ITGB4: variants seen among roughly 807,000 people sequenced by gnomAD.
ITGB4 encodes the protein integrin beta-4.
In ITGB4, 159 loss-of-function variants were observed where a neutral mutation model predicts 207.6. The ratio of observed to expected loss-of-function variants is 0.77; its 90% confidence interval spans 0.67 to 0.87. The LOEUF is 0.87. ITGB4 is among the 40% of genes least tolerant of loss of function. The probability of loss-of-function intolerance (pLI) is 0.00; values close to 1 mark genes in which losing one functional copy is unlikely to be tolerated. For missense variants in ITGB4, 2,278 were observed against 2,546.8 expected (o/e 0.89, Z 2.27); for synonymous variants, 1,020 against 1,062.7 (o/e 0.96, Z 0.78).
At chr17:75,737,793 G>C (rs928865629) in intron 18 of ITGB4, 149 bp downstream of exon 18, 3 of 722,018 alleles carry the variant, frequency 4.2e-6, no homozygotes, top group African/African-American at 1.8e-5. Context: ...CCTCCCCAGG[G>C]TCCCCATCCC....
At position 75,732,302 on chromosome 17, in the gene ITGB4, C is replaced by T. The variant is rs952103578; in HGVS notation, c.1454+63C>T. On this transcript the variant is annotated intron_variant, in intron 12 of 39. Coordinates refer to ENST00000200181, the MANE Select transcript of ITGB4 (RefSeq NM_000213.5). This position sits in a 1 kb window ranked among gnomAD's most constrained non-coding sequence, Gnocchi z 5.3. ...TGGCCCCTGATGGGAAAGCTGGGCT[C>T]CTGCAGGGGCCTGGCCCTGGGTGCA... 1.6e-5 allele frequency: 24 copies of T among 1,502,910 alleles called. No homozygotes were observed. The highest frequency in any genetic ancestry group is 2.3e-5 in the East Asian group (1 of 44,328). 93.1% of individuals were successfully genotyped at this position (1,502,910 alleles called of 1,614,324 possible).
At chr17:75,733,713 C>T (rs751582166) in intron 13 of ITGB4, 21 bp downstream of exon 13, 1 of 1,611,428 alleles carries the variant, frequency 6.2e-7, no homozygotes, top group Non-Finnish European at 8.5e-7. Context: ...CAACTGCGGC[C>T]AATGCTGATG....
intron 26 of ITGB4, among the ~76,000 whole-genome samples, chr17:75,745,029 T>C (rs12951016): frequency 1.3e-5 from 2 of 152,132 alleles, no homozygotes; most frequent in African/African-American, 2.4e-5. Context: ...CTTCCCAAAG[T>C]GCAGGGATTA....
intron 35 of ITGB4, 37 bp downstream of exon 35, chr17:75,755,887 C>T (rs1256848641): frequency 3.1e-6 from 5 of 1,588,926 alleles, no homozygotes; most frequent in Admixed American, 1.7e-5. Context: ...GGGGTGCAGC[C>T]CTGCAAGGCC....
chr17:75,756,905 A>C (rs202126187), intron 37 of ITGB4, 38 bp from the exon 38 acceptor site: 2 of 1,612,072 alleles, frequency 1.2e-6, no homozygotes, highest in Non-Finnish European at 1.7e-6. Context: ...AGGGGTAAAG[A>C]GGGGGCCGCA....
rs765676725 is a variant in ITGB4, at chr17:75,750,776, G to A, written c.3571G>A (p.Asp1191Asn). Residue 1191 changes from aspartate (D) to asparagine (N), a missense_variant, in exon 29 of 40, where the codon GAC (aspartate) becomes AAC (asparagine). Asp to Asn is a conservative substitution (Grantham distance 23). Coordinates refer to ENST00000200181, the MANE Select transcript of ITGB4 (RefSeq NM_000213.5). The surrounding 1 kb of genome is among the most constrained non-coding windows in gnomAD (Gnocchi z 5.5). ...VELTNLYPYC[D>N]YEMKVCAYGA... ...GCTCACCAACCTGTACCCGTATTGC[G>A]ACTATGAGATGAAGGTGTGCGCCTA... is the stretch of plus-strand genomic sequence containing the variant. 9.3e-6 allele frequency: 15 copies of A among 1,613,456 alleles called. No homozygotes were observed. Among genetic ancestry groups the A allele is most frequent in the East Asian group, 4.5e-5 (2 of 44,892 alleles).
rs755924384 is a variant in ITGB4, at chr17:75,728,473, A to G, written c.566A>G (p.Lys189Arg). The change falls in exon 6 of 40, where the codon AAG becomes AGG. Residue 189 changes from lysine to arginine, a missense_variant and splice_region_variant. Coordinates refer to ENST00000200181, the MANE Select transcript of ITGB4 (RefSeq NM_000213.5). ...SVPQTDMRPE[K>R]LKEPWPNSDP... is the part of the protein sequence containing the mutation. Reference sequence around the variant, plus strand: ...CCGCAGACGGACATGAGGCCTGAGAAGTAAGTGACTGTGTGGGTCCCGCAG... The same window carrying G: ...CCGCAGACGGACATGAGGCCTGAGAGGTAAGTGACTGTGTGGGTCCCGCAG... The G allele has an allele frequency of 6.2e-7, 1 of 1,613,112 alleles. No individual in the cohort carries two copies. The highest frequency in any genetic ancestry group is 8.5e-7 in the Non-Finnish European group (1 of 1,179,074).
At chr17:75,747,874 G>A (rs2061267258) in intron 26 of ITGB4, among the ~76,000 whole-genome samples, 2 of 152,186 alleles carry the variant, frequency 1.3e-5, no homozygotes, top group Admixed American at 6.5e-5. Context: ...TCCCTGGTTT[G>A]TTTTTTGTTT....
In ITGB4 at chr17:75,730,367, C is replaced by T; in HGVS notation, c.865C>T (p.His289Tyr). The T allele has an allele frequency of 1.2e-6, 2 of 1,613,912 alleles. No homozygotes were observed. Among genetic ancestry groups the T allele is most frequent in the East Asian group, 2.2e-5 (1 of 44,884 alleles). The change falls in exon 8 of 40, where the codon CAC becomes TAC. Residue 289 changes from histidine to tyrosine, a missense_variant. Coordinates refer to ENST00000200181, the MANE Select transcript of ITGB4 (RefSeq NM_000213.5). Reference sequence around the variant, plus strand: ...CATGAGCCGCAACGATGAACGGTGCCACCTGGACACCACGGGCACCTACAC... The same window carrying T: ...CATGAGCCGCAACGATGAACGGTGCTACCTGGACACCACGGGCACCTACAC... ...GIMSRNDERC[H>Y]LDTTGTYTQY...
Position 75,750,106 on chromosome 17 carries a change from G to C in ITGB4, c.3317-5G>C. The stretch of plus-strand genomic sequence containing the variant: ...TGGTTGCCCGGCCCCAACCTGACCC[G>C]TTAGATGAACTGGACCGGAGCTTCA... On this transcript the variant is annotated splice_polypyrimidine_tract_variant and splice_region_variant and intron_variant, in intron 27 of 39. Coordinates refer to ENST00000200181, the MANE Select transcript of ITGB4 (RefSeq NM_000213.5). This position sits in a 1 kb window ranked among gnomAD's most constrained non-coding sequence, Gnocchi z 5.5. The C allele has an allele frequency of 6.2e-7, 1 of 1,613,570 alleles. No individual in the cohort carries two copies. The highest frequency in any genetic ancestry group is 8.5e-7 in the Non-Finnish European group (1 of 1,180,012).
rs2061097580 is a variant in ITGB4, at chr17:75,741,022, T to C, written c.2633+17T>C. 1 of 1,611,630 alleles carries C rather than the reference T, an allele frequency of 6.2e-7. No homozygotes were observed. Among genetic ancestry groups the C allele is most frequent in the Non-Finnish European group, 8.5e-7 (1 of 1,179,838 alleles). ...CGGGAAAAAGTGAGTAGAAGACTCG[T>C]GGGTGAGAGGGCCCCCACTTCCTGC... On this transcript the variant is annotated intron_variant, in intron 23 of 39. Transcript: ENST00000200181.
chr17:75,752,450 C>A lies in ITGB4; in HGVS notation c.3981C>A (p.Pro1327=). 6.2e-7 allele frequency: 1 copy of A among 1,613,430 alleles called. No individual in the cohort carries two copies. Among genetic ancestry groups the A allele is most frequent in the South Asian group, 1.1e-5 (1 of 91,080 alleles). ...GCTCACTCCCCTGCCCTGCAGTCCCCATCATCCCTGACATCCCTATCGTGG... is the reference window on the plus strand; with the variant it reads ...GCTCACTCCCCTGCCCTGCAGTCCCAATCATCCCTGACATCCCTATCGTGG... ...ATQPKRPMSI[P]IIPDIPIVDA... is the part of the protein sequence containing the mutation. The change falls in exon 32 of 40, where the codon CCC becomes CCA. Residue 1327 remains proline, a synonymous_variant. Transcript: ENST00000200181.
At chr17:75,753,489 T>A (rs879820137) in intron 32 of ITGB4, among the ~76,000 whole-genome samples, 4 of 152,152 alleles carry the variant, frequency 2.6e-5, no homozygotes, top group Non-Finnish European at 5.9e-5. Context: ...GAGCCCAGAC[T>A]TCCCCCAGGT....
rs148658410 is a variant in ITGB4, at chr17:75,756,944, G to C, written c.5055G>C (p.Gly1685=). The change falls in exon 38 of 40, where the codon GGG becomes GGC. Residue 1685 remains glycine (G), a splice_region_variant and synonymous_variant. Coordinates refer to ENST00000200181, the MANE Select transcript of ITGB4 (RefSeq NM_000213.5). ...GCTGAAGGCATCTTCCCTGCTCAGG[G>C]CCAGCCACCGCATTCCGGGTGGATG... ...LVTCEMAQGG[G]PATAFRVDGD... is the part of the protein sequence containing the mutation. 244 of 1,612,490 alleles carry C rather than the reference G, an allele frequency of 1.5e-4. 1 individual carries two copies. In the African/African-American group the frequency reaches 2.9e-3, roughly 19 times the overall value.
At position 75,750,850 on chromosome 17, in the gene ITGB4, C is replaced by G. The variant is rs766073114; in HGVS notation, c.3645C>G (p.Thr1215=). 6.2e-7 allele frequency: 1 copy of G among 1,613,428 alleles called. No homozygotes were observed. Among genetic ancestry groups the G allele is most frequent in the South Asian group, 1.1e-5 (1 of 91,088 alleles). ...GPYSSLVSCR[T]HQEVPSEPGR... ...ACAGCTCCCTGGTGTCCTGCCGCACCCACCAGGAAGGTGAGGCCTCGCCAT... is the reference window on the plus strand; with the variant it reads ...ACAGCTCCCTGGTGTCCTGCCGCACGCACCAGGAAGGTGAGGCCTCGCCAT... The change falls in exon 29 of 40, where the codon ACC becomes ACG. Residue 1215 remains threonine (T), a synonymous_variant. Coordinates refer to ENST00000200181, the MANE Select transcript of ITGB4 (RefSeq NM_000213.5). The surrounding 1 kb of genome is among the most constrained non-coding windows in gnomAD (Gnocchi z 5.5).
chr17:75,727,874 G>A lies in ITGB4; in HGVS notation c.469+19G>A, dbSNP rs891006251. 1 of 1,611,766 alleles carries A rather than the reference G, an allele frequency of 6.2e-7. No individual in the cohort carries two copies. The highest frequency in any genetic ancestry group is 2.2e-5 in the East Asian group (1 of 44,880). On this transcript the variant is annotated intron_variant, in intron 5 of 39. Coordinates refer to ENST00000200181, the MANE Select transcript of ITGB4 (RefSeq NM_000213.5). The surrounding 1 kb of genome is among the most constrained non-coding windows in gnomAD (Gnocchi z 6.0). ...AACCTGGGTACGGCAGGGCCAGAGTGGAGGACAGCAGGGCAGGAGGGGGAC... is the reference window on the plus strand; with the variant it reads ...AACCTGGGTACGGCAGGGCCAGAGTAGAGGACAGCAGGGCAGGAGGGGGAC...
Position 75,750,010 on chromosome 17 carries a change from T to G in ITGB4, c.3317-101T>G. 2.1e-6 allele frequency: 3 copies of G among 1,461,928 alleles called. No individual in the cohort carries two copies. Among genetic ancestry groups the G allele is most frequent in the Non-Finnish European group, 2.9e-6 (3 of 1,043,184 alleles). 90.6% of individuals were successfully genotyped at this position (1,461,928 alleles called of 1,614,324 possible). A position where few individuals can be genotyped will look rare whatever the true frequency, so the allele number is the denominator to read the frequency against. The stretch of plus-strand genomic sequence containing the variant: ...CGCGGGTGGGCAGGTCTGAGTTGAA[T>G]GCGCTGGGTAGAGCGCCCTGGGTGT... On this transcript the variant is annotated intron_variant, in intron 27 of 39. Transcript: ENST00000200181. The surrounding 1 kb of genome is among the most constrained non-coding windows in gnomAD (Gnocchi z 5.5).
In ITGB4 at chr17:75,754,627, C is replaced by A. The variant is rs2061444470; in HGVS notation, c.4370C>A (p.Ser1457Tyr). The A allele has an allele frequency of 6.2e-7, 1 of 1,613,906 alleles. No individual in the cohort carries two copies. The highest frequency in any genetic ancestry group is 1.1e-5 in the South Asian group (1 of 91,090). ...TTTGCCTTCCCGGGCAGCACCAACT[C>A]CCTGCACAGGATGACCACGACCAGT... ...MDFAFPGSTN[S>Y]LHRMTTTSAA... The change falls in exon 34 of 40, where the codon TCC becomes TAC. Residue 1457 changes from serine to tyrosine, a missense_variant. Physicochemically the swap from Ser to Tyr is moderately radical, Grantham distance 144 (BLOSUM62 -2). Transcript: ENST00000200181.
In ITGB4 at chr17:75,757,453, C is replaced by T. The variant is rs200199740; in HGVS notation, c.5367C>T (p.Gly1789=). The change falls in exon 40 of 40, where the codon GGC becomes GGT. Residue 1789 remains glycine, a synonymous_variant. Coordinates refer to ENST00000200181, the MANE Select transcript of ITGB4 (RefSeq NM_000213.5). ...TGGGGGCCCAGCACCTGGAGGCAGG[C>T]GGCTCCCTCACCCGGCATGTGACCC... is the stretch of plus-strand genomic sequence containing the variant. ...LTLGAQHLEA[G]GSLTRHVTQE... is the part of the protein sequence containing the mutation. 899 of 1,596,418 alleles carry T rather than the reference C, an allele frequency of 5.6e-4. 3 individuals carry two copies. In the African/African-American group the frequency reaches 0.011, roughly 19 times the overall value.
Sources: allele counts gnomAD v4.1 joint callset (sites outside exome capture counted in the v4.1 genomes callset), GRCh38; gene constraint gnomAD v4.1.1; non-coding constraint Gnocchi (gnomAD v3.1); transcripts MANE v1.5; gene names NCBI Gene and HGNC (gene_info 2026-07-23, HGNC 2026-07-21).